Variants in PPM1L observed in about 807,000 individuals in gnomAD.
PPM1L encodes protein phosphatase 1L.
PPM1L carries 13 observed loss-of-function variants against 31.4 expected under a neutral mutation model. The ratio of observed to expected loss-of-function variants is 0.41; its 90% confidence interval spans 0.27 to 0.66. PPM1L has a LOEUF of 0.66. Ranked by LOEUF, PPM1L falls within the 30% of genes least tolerant of loss-of-function variation. The pLI is 0.29. For synonymous variants in PPM1L, 184 were observed against 175.4 expected (o/e 1.05, Z -0.39); for missense variants, 326 against 453.7 (o/e 0.72, Z 2.56).
chr3:161,041,985 T>C (rs1047129801), intron 2 of PPM1L, among the ~76,000 whole-genome samples: 8 of 151,888 alleles, frequency 5.3e-5, no homozygotes, highest in African/African-American at 1.9e-4. Flanking sequence ...TAAAAACCCG[T>C]TCTCATTCAT....
chr3:160,881,790 G>A (rs1712729629), intron 1 of PPM1L, among the ~76,000 whole-genome samples: 1 of 152,144 alleles, frequency 6.6e-6, no homozygotes, highest in African/African-American at 2.4e-5. Context: ...GGTGGCTCAC[G>A]CCTGTAATCC....
intron 1 of PPM1L, among the ~76,000 whole-genome samples, chr3:160,928,454 G>A (rs1348283086): frequency 2.6e-5 from 4 of 152,232 alleles, no homozygotes; most frequent in Admixed American, 6.5e-5. Flanking sequence ...CCTGACAGGC[G>A]TTTTTCTCTA....
chr3:161,061,608 TAAC>T (rs1420938259), intron 2 of PPM1L, among the ~76,000 whole-genome samples: 1 of 152,260 alleles, frequency 6.6e-6, no homozygotes, highest in Admixed American at 6.5e-5. Context: ...AAAAACAATA[TAAC>T]AACTATTTAC....
chr3:160,922,684 T>A (rs1198700461), intron 1 of PPM1L, among the ~76,000 whole-genome samples: 1 of 152,238 alleles, frequency 6.6e-6, no homozygotes, highest in African/African-American at 2.4e-5. Context: ...TACTTTGAAG[T>A]CACCTGTCAT....
chr3:160,939,114 GTT>G (rs916774743), intron 1 of PPM1L, among the ~76,000 whole-genome samples: 364 of 152,220 alleles, frequency 2.4e-3, no homozygotes, highest in African/African-American at 8.5e-3. Context: ...CATATAGAGA[GTT>G]TTCAATAAAT....
chr3:160,779,168 T>C (rs143318147), intron 1 of PPM1L, among the ~76,000 whole-genome samples: 52 of 151,760 alleles, frequency 3.4e-4, no homozygotes, highest in African/African-American at 1.1e-3. Context: ...TCTTGAAGCA[T>C]AGAGAAAGAA....
At position 161,073,169 on chromosome 3, in the gene PPM1L, C is replaced by T. The variant is rs1182534239; in HGVS notation, c.*4012C>T. The T allele has an allele frequency of 1.3e-5, 2 of 152,190 alleles. No homozygotes were observed. The highest frequency in any genetic ancestry group is 2.9e-5 in the Non-Finnish European group (2 of 68,040). The allele number at this position is 152,190 out of a possible 1,614,324, so 9.4% of individuals were successfully genotyped here. A position where few individuals can be genotyped will look rare whatever the true frequency, so the allele number is the denominator to read the frequency against. On this transcript the variant is annotated 3_prime_UTR_variant, in exon 4 of 4. Transcript: ENST00000498165. Reference sequence around the variant, plus strand: ...AATAAGTTTGGAAAACACATACCATCTTAGAAAGTTAGTGAACATGAGCAC... The same window carrying T: ...AATAAGTTTGGAAAACACATACCATTTTAGAAAGTTAGTGAACATGAGCAC...
intron 1 of PPM1L, among the ~76,000 whole-genome samples, chr3:160,817,629 C>A (rs1358785309): frequency 6.6e-6 from 1 of 151,868 alleles, no homozygotes; most frequent in Non-Finnish European, 1.5e-5. Context: ...CTTATTTTTG[C>A]AGGTCATGTC....
At chr3:160,982,463 T>C (rs1716831100) in intron 2 of PPM1L, among the ~76,000 whole-genome samples, 1 of 152,234 alleles carries the variant, frequency 6.6e-6, no homozygotes, top group Non-Finnish European at 1.5e-5. Flanking sequence ...TCTCTTTGTT[T>C]CCTTAACTGT....
intron 1 of PPM1L, among the ~76,000 whole-genome samples, chr3:160,804,791 C>T (rs535180647): frequency 1.3e-4 from 20 of 152,218 alleles, no homozygotes; most frequent in Non-Finnish European, 2.2e-4. Flanking sequence ...CTAATGTACA[C>T]TCTAGCTTTG....
chr3:160,910,322 C>G (rs997665179), intron 1 of PPM1L, among the ~76,000 whole-genome samples: 45 of 142,290 alleles, frequency 3.2e-4, no homozygotes, highest in African/African-American at 1.2e-3. Flanking sequence ...CCTCCCCTCC[C>G]CTCCCCTTTT....
In PPM1L at chr3:160,854,956, T is replaced by C. The variant is rs111608820; in HGVS notation, c.399+98249T>C. Among the ~76,000 whole-genome samples, 880 of 145,170 alleles carry C rather than the reference T, an allele frequency of 6.1e-3. 7 individuals carry two copies. The highest frequency in any genetic ancestry group is 0.021 in the African/African-American group (847 of 39,472). On this transcript the variant is annotated intron_variant, in intron 1 of 3. Coordinates refer to ENST00000498165, the MANE Select transcript of PPM1L (RefSeq NM_139245.4). ...AAAAAACAAAGTCACAGGCATCACATTACTCAATTTCAAACTATACTACAA... is the reference window on the plus strand; with the variant it reads ...AAAAAACAAAGTCACAGGCATCACACTACTCAATTTCAAACTATACTACAA...
intron 2 of PPM1L, among the ~76,000 whole-genome samples, chr3:160,994,058 AG>A (rs1303169618): frequency 6.8e-6 from 1 of 147,986 alleles, no homozygotes; most frequent in Non-Finnish European, 1.5e-5. Context: ...CAGGATTTAT[AG>A]GGGGGTGGGG....
intron 1 of PPM1L, among the ~76,000 whole-genome samples, chr3:160,772,509 T>C (rs1415382884): frequency 6.6e-6 from 1 of 152,256 alleles, no homozygotes; most frequent in Non-Finnish European, 1.5e-5. Context: ...ATACTTCATA[T>C]TCAAATTTTG....
intron 1 of PPM1L, among the ~76,000 whole-genome samples, chr3:160,856,446 A>G (rs540716638): frequency 1.3e-5 from 2 of 152,352 alleles, no homozygotes; most frequent in East Asian, 3.9e-4. Context: ...AAATTGTGGT[A>G]TATATACAGC....
chr3:160,903,194 G>GTGTGTGTGTGTGTGT (rs1553819647), intron 1 of PPM1L, among the ~76,000 whole-genome samples: 20,420 of 94,848 alleles, frequency 0.22, 1,643 homozygotes, highest in Middle Eastern at 0.32. Context: ...TGTGTGTGTG[G>GTGTGTGTGTGTGTGT]TATGTGTGTA....
intron 1 of PPM1L, among the ~76,000 whole-genome samples, chr3:160,787,741 T>A (rs1294977893): frequency 6.6e-6 from 1 of 152,216 alleles, no homozygotes; most frequent in Non-Finnish European, 1.5e-5. Flanking sequence ...GGTTTTACAT[T>A]TAAGTCCTTA....
chr3:160,868,607 C>T (rs1712177214), intron 1 of PPM1L, among the ~76,000 whole-genome samples: 1 of 152,046 alleles, frequency 6.6e-6, no homozygotes, highest in Non-Finnish European at 1.5e-5. Context: ...GTCATGTTTC[C>T]ACCTAAAACC....
chr3:160,853,448 G>A (rs1711586320), intron 1 of PPM1L, among the ~76,000 whole-genome samples: 1 of 151,878 alleles, frequency 6.6e-6, no homozygotes, highest in South Asian at 2.1e-4. Context: ...CCCTTTCCCA[G>A]TAATCAACCT....
Sources: gnomAD v4.1 joint callset for allele counts (sites outside exome capture counted in the v4.1 genomes callset) on GRCh38, gnomAD v4.1.1 for gene constraint, MANE v1.5 for transcripts, NCBI Gene and HGNC (gene_info 2026-07-23, HGNC 2026-07-21) for gene names.